Variants in PDE1A observed in about 807,000 individuals in gnomAD.
The protein encoded by PDE1A is dual specificity calcium/calmodulin-dependent 3',5'-cyclic nucleotide phosphodiesterase 1A.
Under a neutral mutation model 61.7 loss-of-function variants are expected in PDE1A, and 35 were observed. The ratio of observed to expected loss-of-function variants is 0.57; its 90% CI spans 0.43 to 0.75. The LOEUF (loss-of-function observed/expected upper bound fraction) is 0.75. Ranked by LOEUF, PDE1A falls within the 30% of genes least tolerant of loss-of-function variation. PDE1A has a pLI of 0.00. For missense variants in PDE1A, 597 were observed against 630.6 expected (o/e 0.95, Z 0.57); for synonymous variants, 232 against 213.2 (o/e 1.09, Z -0.77).
At chr2:182,590,701 C>T in the PDE1A span, among the ~76,000 whole-genome samples, 1 of 152,022 alleles carries the variant, frequency 6.6e-6, no homozygotes, top group Non-Finnish European at 1.5e-5. Context: ...AACTGATGAA[C>T]GACTACCCCA....
At chr2:182,325,278 A>C (rs919464414) in intron 1 of PDE1A, among the ~76,000 whole-genome samples, 2 of 152,342 alleles carry the variant, frequency 1.3e-5, no homozygotes, top group South Asian at 4.1e-4. Context: ...GTGACTAAAA[A>C]GCATATGTGG....
chr2:182,291,218 A>C (rs1694511269), intron 1 of PDE1A, among the ~76,000 whole-genome samples: 1 of 152,074 alleles, frequency 6.6e-6, no homozygotes, highest in African/African-American at 2.4e-5. Flanking sequence ...ATTACCACTG[A>C]TCTTCATAAA....
chr2:182,342,370 G>T (rs750194172), intron 1 of PDE1A, among the ~76,000 whole-genome samples: 1 of 152,086 alleles, frequency 6.6e-6, no homozygotes, highest in South Asian at 2.1e-4. Flanking sequence ...ATTTTTCAAA[G>T]ATTCTGAAGC....
intron 10 of PDE1A, among the ~76,000 whole-genome samples, chr2:182,192,360 TATTTA>T (rs1256457252): frequency 7.2e-5 from 11 of 152,086 alleles, no homozygotes; most frequent in Non-Finnish European, 1.5e-4. Flanking sequence ...GTACATTAAT[TATTTA>T]ATTTATTTAT....
At chr2:182,396,877 C>T (rs531111061) in intron 1 of PDE1A, among the ~76,000 whole-genome samples, 12 of 152,158 alleles carry the variant, frequency 7.9e-5, no homozygotes, top group Admixed American at 3.9e-4. Flanking sequence ...CATTCACTTC[C>T]GGGTGATTTG....
At chr2:182,627,312 T>A in the PDE1A span, among the ~76,000 whole-genome samples, 1 of 78,658 alleles carries the variant, frequency 1.3e-5, no homozygotes, top group Non-Finnish European at 2.4e-5. Flanking sequence ...ATAAATAAAA[T>A]ATATATATTA....
At chr2:182,607,061 GA>G in the PDE1A span, among the ~76,000 whole-genome samples, 4 of 152,122 alleles carry the variant, frequency 2.6e-5, no homozygotes, top group Non-Finnish European at 5.9e-5. Flanking sequence ...GAAAAAAAAA[GA>G]CAGGATTTAG....
chr2:182,574,469 A>T, the PDE1A span, among the ~76,000 whole-genome samples: 1 of 152,166 alleles, frequency 6.6e-6, no homozygotes, highest in Non-Finnish European at 1.5e-5. Context: ...ATTACACCTC[A>T]CATAATACAA....
chr2:182,201,310 C>T (rs2125470609), intron 10 of PDE1A, 129 bp downstream of exon 10: 1 of 1,179,684 alleles, frequency 8.5e-7, no homozygotes, highest in Non-Finnish European at 1.2e-6. Flanking sequence ...TGCTGAAACC[C>T]CCAAGAATGT....
At chr2:182,533,239 G>T in the PDE1A span, among the ~76,000 whole-genome samples, 1 of 149,850 alleles carries the variant, frequency 6.7e-6, no homozygotes. Context: ...TGAACCCGTG[G>T]GGTGGAGAGC....
intron 1 of PDE1A, among the ~76,000 whole-genome samples, chr2:182,383,878 T>C (rs1700874632): frequency 1.3e-5 from 2 of 152,288 alleles, no homozygotes; most frequent in Non-Finnish European, 1.5e-5. Flanking sequence ...GCACAGGACT[T>C]TGCCTTGGAT....
At chr2:182,277,886 C>T (rs992223408) in intron 1 of PDE1A, among the ~76,000 whole-genome samples, 6 of 151,972 alleles carry the variant, frequency 3.9e-5, no homozygotes, top group Non-Finnish European at 8.8e-5. Flanking sequence ...TAGAATGGCT[C>T]ACACTGTCAC....
chr2:182,343,444 C>T (rs1291370944), intron 1 of PDE1A, among the ~76,000 whole-genome samples: 1 of 152,074 alleles, frequency 6.6e-6, no homozygotes, highest in Non-Finnish European at 1.5e-5. Flanking sequence ...AAGCAGCAGA[C>T]CTAACTAGGT....
intron 7 of PDE1A, among the ~76,000 whole-genome samples, chr2:182,209,313 T>C (rs1415083762): frequency 1.3e-5 from 2 of 151,970 alleles, no homozygotes; most frequent in Non-Finnish European, 2.9e-5. Flanking sequence ...GTGAGACTTA[T>C]TCACTATCAC....
In PDE1A at chr2:182,170,304, T is replaced by C. The variant is rs905499767; in HGVS notation, c.1517-2014A>G. ...TTAGCTGTAATTTTTTTTGTATAGA[T>C]GGTCAATGGGTGAATAAATGATAAA... On this transcript the variant is annotated intron_variant, in intron 13 of 13. Coordinates refer to ENST00000351439, the Ensembl canonical transcript of PDE1A. Among the ~76,000 whole-genome samples, 12 of 152,064 alleles carry C rather than the reference T, an allele frequency of 7.9e-5. 1 individual carries two copies. The highest frequency in any genetic ancestry group is 2.6e-4 in the Admixed American group (4 of 15,228).
intron 1 of PDE1A, among the ~76,000 whole-genome samples, chr2:182,386,529 C>A (rs1223374246): frequency 6.6e-6 from 1 of 151,206 alleles, no homozygotes; most frequent in Non-Finnish European, 1.5e-5. Flanking sequence ...CGTCTCTGCC[C>A]GGCCGCTCCG....
At chr2:182,338,339 G>A (rs184696086) in intron 1 of PDE1A, among the ~76,000 whole-genome samples, 19 of 152,284 alleles carry the variant, frequency 1.2e-4, no homozygotes, top group Middle Eastern at 3.4e-3. Flanking sequence ...TGAAATGAGC[G>A]TGTAAAATGC....
At chr2:182,395,776 A>T (rs1701670361) in intron 1 of PDE1A, among the ~76,000 whole-genome samples, 1 of 152,192 alleles carries the variant, frequency 6.6e-6, no homozygotes, top group Admixed American at 6.5e-5. Flanking sequence ...CCATAGGTGA[A>T]TCACAGCAGA....
the PDE1A span, among the ~76,000 whole-genome samples, chr2:182,704,233 A>C: frequency 2.0e-5 from 3 of 151,540 alleles, no homozygotes; most frequent in African/African-American, 4.8e-5. Context: ...AAACAAAAAA[A>C]AAAAACTCAA....
Sources: gnomAD v4.1 joint callset for allele counts (sites outside exome capture counted in the v4.1 genomes callset) on GRCh38, gnomAD v4.1.1 for gene constraint, MANE v1.5 for transcripts, NCBI Gene and HGNC (gene_info 2026-07-23, HGNC 2026-07-21) for gene names.